The following SRGAP1 variants were observed in gnomAD, a reference collection of about 807,000 sequenced individuals.
The protein encoded by SRGAP1 is SLIT-ROBO Rho GTPase-activating protein 1.
A neutral mutation model predicts 121.9 loss-of-function variants in SRGAP1; 43 were observed. The ratio of observed to expected loss-of-function variants is 0.35; its 90% CI spans 0.28 to 0.46. SRGAP1 has a LOEUF of 0.46. Among genes scored for constraint, SRGAP1 ranks in the 20% least tolerant of loss-of-function variants. The probability of loss-of-function intolerance (pLI) is 1.00; values close to 1 mark genes in which losing one functional copy is unlikely to be tolerated. For synonymous variants in SRGAP1, 447 were observed against 485.4 expected (o/e 0.92, Z 1.04); for missense variants, 1,102 against 1,350.9 (o/e 0.82, Z 2.89).
chr12:64,091,968 G>T, intron 12 of SRGAP1: 7 of 1,501,050 alleles, frequency 4.7e-6, no homozygotes, highest in Non-Finnish European at 5.4e-6. Flanking sequence ...TTCACTGTTG[G>T]TATCATTTTC....
At chr12:63,918,193 G>A (rs187013440) in intron 1 of SRGAP1, among the ~76,000 whole-genome samples, 3 of 152,250 alleles carry the variant, frequency 2.0e-5, no homozygotes, top group South Asian at 2.1e-4. Flanking sequence ...TTACACTGTC[G>A]TTGTGCAAGA....
At chr12:64,024,153 C>T (rs145144101) in intron 4 of SRGAP1, among the ~76,000 whole-genome samples, 6 of 152,226 alleles carry the variant, frequency 3.9e-5, no homozygotes, top group East Asian at 1.9e-4. Flanking sequence ...GATATGAAGC[C>T]GGGTGTGGTG....
rs74791538 is a variant in SRGAP1 at position 64,016,323 on chromosome 12, C to T, written c.427-627C>T. 3.9e-3 allele frequency among the ~76,000 whole-genome samples: 598 copies of T among 152,032 alleles called. 7 individuals carry two copies. The highest frequency in any genetic ancestry group is 0.013 in the African/African-American group (558 of 41,468). On this transcript the variant is annotated intron_variant, in intron 3 of 21. Transcript: ENST00000355086. ...TTGGTTGCACGCCACCCTGTCTCTA[C>T]AAAAAATATAAAAACTAGTTGGGTT...
intron 6 of SRGAP1, among the ~76,000 whole-genome samples, chr12:64,050,766 C>T (rs897728116): frequency 2.0e-5 from 3 of 152,060 alleles, no homozygotes; most frequent in African/African-American, 7.2e-5. Context: ...GCTCTGTTGC[C>T]CAGGCTGGAG....
chr12:63,961,214 C>T (rs2136379537), intron 1 of SRGAP1, among the ~76,000 whole-genome samples: 1 of 152,312 alleles, frequency 6.6e-6, no homozygotes, highest in Non-Finnish European at 1.5e-5. Flanking sequence ...CCACACGCAG[C>T]CAGAGCCTAC....
In SRGAP1 at chr12:64,150,955, A is replaced by AAAAAAAAAAAAAAAC. The variant is rs2037114366; in HGVS notation, c.*8288_*8289insAAAAAAAAACAAAAA. On this transcript the variant is annotated 3_prime_UTR_variant, in exon 22 of 22. Coordinates refer to ENST00000355086, the MANE Select transcript of SRGAP1 (RefSeq NM_020762.4). ...ATCTCAAAAAAAAAAAAAAAAAAAAAAAAAACATGGTCAAGATTTGTAATA... is the reference window on the plus strand; with the variant it reads ...ATCTCAAAAAAAAAAAAAAAAAAAAAAAAAAAAAAAAAAACAAAAACATGGTCAAGATTTGTAATA... The AAAAAAAAAAAAAAAC allele has an allele frequency of 2.0e-5, 3 of 148,712 alleles. No homozygotes were observed. The highest frequency in any genetic ancestry group is 6.7e-5 in the Admixed American group (1 of 14,836). The allele number at this position is 148,712 out of a possible 1,614,324, so 9.2% of individuals were successfully genotyped here. A position where few individuals can be genotyped will look rare whatever the true frequency, so the allele number is the denominator to read the frequency against.
At chr12:63,942,623 C>T (rs2031907832) in intron 1 of SRGAP1, among the ~76,000 whole-genome samples, 1 of 152,190 alleles carries the variant, frequency 6.6e-6, no homozygotes, top group African/African-American at 2.4e-5. Context: ...AGTTGTTCAG[C>T]AAACATAATG....
intron 1 of SRGAP1, among the ~76,000 whole-genome samples, chr12:63,925,362 T>C (rs1482650315): frequency 2.0e-5 from 3 of 152,238 alleles, no homozygotes. Flanking sequence ...AGATGTATAA[T>C]GTCTTAATTT....
chr12:63,945,172 A>G (rs2032003342), intron 1 of SRGAP1, among the ~76,000 whole-genome samples: 1 of 151,746 alleles, frequency 6.6e-6, no homozygotes, highest in South Asian at 2.1e-4. Flanking sequence ...CAGCACTTTT[A>G]CTTTTAACTC....
At chr12:64,019,254 A>G (rs1208140727) in intron 4 of SRGAP1, among the ~76,000 whole-genome samples, 4 of 152,132 alleles carry the variant, frequency 2.6e-5, no homozygotes, top group Non-Finnish European at 4.4e-5. Context: ...GCACCTAGAC[A>G]TTTTGCAGAC....
intron 6 of SRGAP1, among the ~76,000 whole-genome samples, chr12:64,056,026 C>A (rs1359510546): frequency 1.3e-5 from 2 of 151,278 alleles, no homozygotes; most frequent in Non-Finnish European, 3.0e-5. Flanking sequence ...CTATTTATAT[C>A]CATTCGCCCT....
chr12:64,012,910 T>C (rs1175852310), intron 3 of SRGAP1, among the ~76,000 whole-genome samples: 1 of 151,924 alleles, frequency 6.6e-6, no homozygotes, highest in Non-Finnish European at 1.5e-5. Context: ...TAAATATTTT[T>C]TTTTCCTAAT....
intron 1 of SRGAP1, among the ~76,000 whole-genome samples, chr12:63,881,963 C>T (rs886993709): frequency 1.1e-4 from 16 of 151,956 alleles, no homozygotes; most frequent in African/African-American, 3.9e-4. Flanking sequence ...AATTCAAGGA[C>T]TGCAGTATTG....
At chr12:64,071,355 C>T (rs1274137520) in intron 8 of SRGAP1, among the ~76,000 whole-genome samples, 1 of 152,154 alleles carries the variant, frequency 6.6e-6, no homozygotes, top group Non-Finnish European at 1.5e-5. Flanking sequence ...CTCTGATGCA[C>T]TGAGCATTTT....
chr12:63,983,798 AT>A (rs1565981549), intron 1 of SRGAP1, 148 bp from the exon 2 acceptor site: 162 of 1,098 alleles, frequency 0.15, 3 homozygotes, highest in East Asian at 0.33. Context: ...TACATTTAAA[AT>A]ATATATATAT....
At chr12:64,035,289 C>G (rs2034879046) in intron 4 of SRGAP1, among the ~76,000 whole-genome samples, 1 of 151,898 alleles carries the variant, frequency 6.6e-6, no homozygotes, top group African/African-American at 2.4e-5. Flanking sequence ...GGGAATTTTT[C>G]TCTACCTAAT....
intron 1 of SRGAP1, among the ~76,000 whole-genome samples, chr12:63,848,026 A>ATATATATATATATAT (rs1266035796): frequency 1.3e-5 from 2 of 148,670 alleles, no homozygotes; most frequent in African/African-American, 5.1e-5. Context: ...TATATATATA[A>ATATATATATATATAT]AAGGAGTATC....
rs181013187 is a variant in SRGAP1, at chr12:63,929,306, A to G, written c.68-54641A>G. ...CTGTTTCAGTTTTCTCATCTGTCAA[A>G]TATAAATGAAGTTAGTATCTACCTT... On this transcript the variant is annotated intron_variant, in intron 1 of 21. Transcript: ENST00000355086. 2.3e-4 allele frequency among the ~76,000 whole-genome samples: 35 copies of G among 152,368 alleles called. 1 individual carries two copies. In the East Asian group the frequency reaches 6.2e-3, roughly 27 times the overall value.
chr12:64,068,918 G>A (rs1264108262), intron 8 of SRGAP1, among the ~76,000 whole-genome samples: 1 of 150,994 alleles, frequency 6.6e-6, no homozygotes, highest in Non-Finnish European at 1.5e-5. Context: ...GCTGAGGCAG[G>A]AGAATCACTT....
Sources: allele counts gnomAD v4.1 joint callset (sites outside exome capture counted in the v4.1 genomes callset), GRCh38; gene constraint gnomAD v4.1.1; transcripts MANE v1.5; gene names NCBI Gene and HGNC (gene_info 2026-07-23, HGNC 2026-07-21).